VWA8: variants seen among roughly 807,000 people sequenced by gnomAD.
The protein encoded by VWA8 is von Willebrand factor A domain-containing protein 8.
VWA8 carries 221 observed loss-of-function variants against 241.5 expected under a neutral mutation model. That is an observed-to-expected ratio of 0.91 (90% CI 0.82 to 1.02). VWA8 has a LOEUF of 1.02. Ranked by LOEUF, VWA8 falls within the 50% of genes least tolerant of loss-of-function variation. The probability of loss-of-function intolerance (pLI) is 0.00; values close to 1 mark genes in which losing one functional copy is unlikely to be tolerated. For synonymous variants in VWA8, 852 were observed against 827.1 expected (o/e 1.03, Z -0.52); for missense variants, 2,322 against 2,328.7 (o/e 1.00, Z 0.06).
intron 21 of VWA8, among the ~76,000 whole-genome samples, chr13:41,746,494 A>T (rs2045607874): frequency 6.6e-6 from 1 of 152,144 alleles, no homozygotes; most frequent in African/African-American, 2.4e-5. Flanking sequence ...TAATGTAACC[A>T]CTTGGTGGGT....
At chr13:41,581,132 C>CT (rs1389943361) in intron 42 of VWA8, among the ~76,000 whole-genome samples, 1 of 127,968 alleles carries the variant, frequency 7.8e-6, no homozygotes, top group East Asian at 2.3e-4. Flanking sequence ...TCCGGAGTAG[C>CT]TGGGACTACA....
chr13:41,772,813 G>A (rs1324798382), intron 20 of VWA8, among the ~76,000 whole-genome samples: 1 of 152,158 alleles, frequency 6.6e-6, no homozygotes, highest in Non-Finnish European at 1.5e-5. Context: ...ATCTTTTCTA[G>A]TATCATAGAT....
chr13:41,853,932 T>C (rs547257307), intron 12 of VWA8, among the ~76,000 whole-genome samples: 12 of 152,292 alleles, frequency 7.9e-5, no homozygotes, highest in African/African-American at 2.4e-4. Context: ...TTACAAACGA[T>C]AGGAGAGACA....
chr13:41,746,634 A>C (rs2045609092), intron 21 of VWA8, among the ~76,000 whole-genome samples: 1 of 152,214 alleles, frequency 6.6e-6, no homozygotes, highest in African/African-American at 2.4e-5. Flanking sequence ...AGGCTATTAA[A>C]TTTACTGATG....
intron 9 of VWA8, among the ~76,000 whole-genome samples, chr13:41,870,553 C>T (rs1176141059): frequency 6.6e-6 from 1 of 150,706 alleles, no homozygotes; most frequent in Admixed American, 6.6e-5. Context: ...TCAGGAGAAT[C>T]GCTTGAACCC....
intron 28 of VWA8, 31 bp from the exon 29 acceptor site, chr13:41,699,301 G>A: frequency 1.2e-6 from 2 of 1,607,532 alleles, no homozygotes; most frequent in Non-Finnish European, 8.5e-7. Context: ...TAATTTTGTG[G>A]CTGGCAACCA....
chr13:41,637,339 C>T (rs923841053), intron 37 of VWA8, among the ~76,000 whole-genome samples: 15 of 146,306 alleles, frequency 1.0e-4, no homozygotes, highest in African/African-American at 3.8e-4. Context: ...CGCATGTTCT[C>T]ACTCATAGGT....
chr13:41,687,000 T>C (rs1450612833), intron 34 of VWA8, among the ~76,000 whole-genome samples: 6 of 152,144 alleles, frequency 3.9e-5, no homozygotes, highest in African/African-American at 1.2e-4. Flanking sequence ...TGATCTTTGA[T>C]AACTCACACT....
At chr13:41,947,287 A>G (rs925303203) in intron 2 of VWA8, among the ~76,000 whole-genome samples, 3 of 152,220 alleles carry the variant, frequency 2.0e-5, no homozygotes, top group African/African-American at 7.2e-5. Context: ...GAGTGAACAA[A>G]AAGCTATTCT....
At chr13:41,882,055 T>C (rs1352310629) in intron 9 of VWA8, among the ~76,000 whole-genome samples, 2 of 119,784 alleles carry the variant, frequency 1.7e-5, no homozygotes, top group Non-Finnish European at 3.4e-5. Flanking sequence ...AGACGGGCGG[T>C]TGCCAGGCGG....
intron 12 of VWA8, among the ~76,000 whole-genome samples, chr13:41,859,781 T>A (rs1194311108): frequency 6.6e-6 from 1 of 152,220 alleles, no homozygotes; most frequent in Non-Finnish European, 1.5e-5. Context: ...AGCTCTGTTT[T>A]CCTTTTACTT....
intron 2 of VWA8, chr13:41,925,487 T>C (rs1357095296): frequency 6.6e-6 from 1 of 152,444 alleles, no homozygotes; most frequent in Non-Finnish European, 1.5e-5. Flanking sequence ...AAGATGTAAA[T>C]CTGAGGAGTG....
At chr13:41,932,198 T>C (rs1170657398) in intron 2 of VWA8, among the ~76,000 whole-genome samples, 1 of 152,018 alleles carries the variant, frequency 6.6e-6, no homozygotes, top group African/African-American at 2.4e-5. Context: ...CTTATGCTAA[T>C]GTATTCCACA....
At chr13:41,956,827 AACT>A (rs1230526980) in intron 1 of VWA8, among the ~76,000 whole-genome samples, 1 of 152,236 alleles carries the variant, frequency 6.6e-6, no homozygotes, top group African/African-American at 2.4e-5. Flanking sequence ...TAAACTTAAT[AACT>A]ACTTTAAACA....
At chr13:41,805,639 C>G (rs1246001138) in intron 17 of VWA8, among the ~76,000 whole-genome samples, 1 of 151,920 alleles carries the variant, frequency 6.6e-6, no homozygotes, top group Non-Finnish European at 1.5e-5. Flanking sequence ...CATGGAGAAA[C>G]CCCATCTCTA....
rs559890168 is a variant in VWA8, at chr13:41,881,030, C to T, written c.1080+2357G>A. Among the ~76,000 whole-genome samples the T allele has an allele frequency of 2.6e-3, 393 of 152,202 alleles. 1 individual carries two copies. In the Middle Eastern group the frequency reaches 0.027, roughly 11 times the overall value. ...TCTAGATTCACAAGTAGGCATTTTA[C>T]ACTTTAAAAGAGAACTCCCATCTCC... On this transcript the variant is annotated intron_variant, in intron 9 of 44. Transcript: ENST00000379310.
At position 41,937,090 on chromosome 13, in the gene VWA8, G is replaced by C. The variant is rs560179951; in HGVS notation, c.241+12846C>G. Among the ~76,000 whole-genome samples, 23 of 152,240 alleles carry C rather than the reference G, an allele frequency of 1.5e-4. No individual in the cohort carries two copies. In the South Asian group the frequency reaches 4.8e-3, roughly 32 times the overall value. On this transcript the variant is annotated intron_variant, in intron 2 of 44. Coordinates refer to ENST00000379310, the MANE Select transcript of VWA8 (RefSeq NM_015058.2). The stretch of plus-strand genomic sequence containing the variant: ...ACAGTATTCAGTACAGTAACATGCT[G>C]TATAGGTTTGTACCCTAGGAACAAT...
At chr13:41,908,708 T>C (rs1875845060) in intron 3 of VWA8, among the ~76,000 whole-genome samples, 1 of 152,212 alleles carries the variant, frequency 6.6e-6, no homozygotes, top group Admixed American at 6.5e-5. Context: ...CAAGATAATT[T>C]ATCCATCCTT....
chr13:41,932,354 G>T (rs1214726909), intron 2 of VWA8, among the ~76,000 whole-genome samples: 1 of 151,952 alleles, frequency 6.6e-6, no homozygotes, highest in Non-Finnish European at 1.5e-5. Flanking sequence ...GGCCAAGATG[G>T]CTTCACTGAT....
Sources: allele counts gnomAD v4.1 joint callset (sites outside exome capture counted in the v4.1 genomes callset), GRCh38; gene constraint gnomAD v4.1.1; transcripts MANE v1.5; gene names NCBI Gene and HGNC (gene_info 2026-07-23, HGNC 2026-07-21).